PCDH15: variants seen among roughly 807,000 people sequenced by gnomAD.
PCDH15 encodes the protein protocadherin related 15.
Under a neutral mutation model 178.5 loss-of-function variants are expected in PCDH15, and 129 were observed. That is an observed-to-expected ratio of 0.72 (90% CI 0.63 to 0.84). The LOEUF (loss-of-function observed/expected upper bound fraction) is 0.84. Among genes scored for constraint, PCDH15 ranks in the 40% least tolerant of loss-of-function variants. PCDH15 has a pLI of 0.00. For synonymous variants in PCDH15, 800 were observed against 732.0 expected, an observed-to-expected ratio of 1.09 and a Z score of -1.50; for missense variants, 2,230 against 2,099.9, an observed-to-expected ratio of 1.06 and a Z score of -1.21.
chr10:53,834,760 G>T (rs2077209440), intron 29 of PCDH15, among the ~76,000 whole-genome samples: 1 of 152,104 alleles, frequency 6.6e-6, no homozygotes, highest in Non-Finnish European at 1.5e-5. Context: ...GCCTAATGTT[G>T]TGTTATTCAG....
At chr10:55,201,989 A>G (rs1196912659) in intron 1 of PCDH15, among the ~76,000 whole-genome samples, 1 of 152,102 alleles carries the variant, frequency 6.6e-6, no homozygotes, top group South Asian at 2.1e-4. Flanking sequence ...TGCTTGTAGT[A>G]ATTTCCTTGA....
At chr10:54,388,322 A>G (rs117604103) in intron 3 of PCDH15, among the ~76,000 whole-genome samples, 2,887 of 152,300 alleles carry the variant, frequency 0.019, 39 homozygotes, top group Middle Eastern at 0.037. Flanking sequence ...TTCTGGTCCT[A>G]GAACCCAAAT....
chr10:55,016,022 A>C (rs1922150), intron 2 of PCDH15, among the ~76,000 whole-genome samples: 117,050 of 150,540 alleles, frequency 0.78, 45,720 homozygotes, highest in East Asian at 0.84. Flanking sequence ...ACATTCTACA[A>C]GGTTCCTTAA....
At chr10:55,029,041 A>T (rs1840546336) in intron 2 of PCDH15, among the ~76,000 whole-genome samples, 1 of 152,030 alleles carries the variant, frequency 6.6e-6, no homozygotes, top group South Asian at 2.1e-4. Context: ...ACTGCATTGT[A>T]CCAATAAGGA....
chr10:54,206,878 T>C (rs1209784957), intron 10 of PCDH15, among the ~76,000 whole-genome samples: 1 of 152,086 alleles, frequency 6.6e-6, no homozygotes, highest in Non-Finnish European at 1.5e-5. Context: ...TGTTTATGTG[T>C]GTGGGGATTG....
intron 32 of PCDH15, chr10:53,821,815 T>C (rs1379619012): frequency 2.5e-6 from 4 of 1,608,402 alleles, no homozygotes; most frequent in Admixed American, 3.3e-5. Context: ...TTGAAGACTA[T>C]GATCAACAAG....
intron 2 of PCDH15, among the ~76,000 whole-genome samples, chr10:54,620,286 G>C (rs1353505679): frequency 2.6e-5 from 4 of 151,902 alleles, no homozygotes; most frequent in African/African-American, 9.7e-5. Flanking sequence ...ATTAGGCAAA[G>C]ATTGATAAAA....
At chr10:54,239,432 T>TAGAGAGAGAGAGAGAGAG (rs370848123) in intron 8 of PCDH15, among the ~76,000 whole-genome samples, 14 of 150,638 alleles carry the variant, frequency 9.3e-5, no homozygotes, top group African/African-American at 3.4e-4. Flanking sequence ...TATATATATA[T>TAGAGAGAGAGAGAGAGAG]AGAGTAAGAA....
chr10:53,883,846 G>T (rs973572206), intron 26 of PCDH15, among the ~76,000 whole-genome samples: 8 of 152,262 alleles, frequency 5.3e-5, no homozygotes, highest in African/African-American at 1.7e-4. Context: ...CTCCCGAGTA[G>T]CTGGGATTAC....
At position 55,554,615 on chromosome 10, in the gene PCDH15, TG is replaced by T. The variant is rs370213507; in HGVS notation, c.-156+73009del. ...TTGTGGGATGCAAAACCCACACATA[TG>T]GGGGGCCAAATATTCCTATATGTTG... is the stretch of plus-strand genomic sequence containing the variant. On this transcript the variant is annotated intron_variant, in intron 2 of 5. Transcript: ENST00000613346. Among the ~76,000 whole-genome samples, 91 of 152,012 alleles carry T rather than the reference TG, an allele frequency of 6.0e-4. 1 individual carries two copies. The East Asian group carries it at 0.012, about 19-fold the overall frequency.
chr10:55,479,752 G>C (rs1245062937), intron 2 of PCDH15, among the ~76,000 whole-genome samples: 4 of 151,434 alleles, frequency 2.6e-5, no homozygotes, highest in East Asian at 3.9e-4. Context: ...TATATGTATA[G>C]AATACCCTAC....
chr10:54,014,462 CA>C (rs1246031376), intron 20 of PCDH15, among the ~76,000 whole-genome samples: 1 of 151,884 alleles, frequency 6.6e-6, no homozygotes, highest in Non-Finnish European at 1.5e-5. Flanking sequence ...ACAACAACAA[CA>C]AAAAAGAAAA....
intron 1 of PCDH15, among the ~76,000 whole-genome samples, chr10:54,733,159 A>G (rs1943635217): frequency 6.6e-6 from 1 of 151,616 alleles, no homozygotes. Flanking sequence ...GAAAATTAAT[A>G]AAATCCTCCA....
intron 1 of PCDH15, among the ~76,000 whole-genome samples, chr10:55,269,624 A>G (rs533702651): frequency 3.8e-4 from 58 of 152,280 alleles, no homozygotes; most frequent in Non-Finnish European, 7.8e-4. Context: ...GCTGAAAAAA[A>G]CCACAGACAA....
At chr10:55,099,384 C>A (rs1842523801) in intron 2 of PCDH15, among the ~76,000 whole-genome samples, 1 of 151,920 alleles carries the variant, frequency 6.6e-6, no homozygotes, top group Non-Finnish European at 1.5e-5. Flanking sequence ...TCATAAGCTG[C>A]TACTACTAAA....
intron 2 of PCDH15, among the ~76,000 whole-genome samples, chr10:55,343,865 A>T (rs1844670772): frequency 6.6e-6 from 1 of 152,194 alleles, no homozygotes; most frequent in Admixed American, 6.5e-5. Context: ...ACAGAAAAAA[A>T]CTCAATGCCT....
chr10:55,478,135 C>T (rs906696070), intron 2 of PCDH15, among the ~76,000 whole-genome samples: 24 of 151,686 alleles, frequency 1.6e-4, no homozygotes, highest in Admixed American at 1.5e-3. Context: ...TGTAAAAATA[C>T]ATGTATCCAA....
At chr10:54,481,266 T>C (rs1483790440) in intron 3 of PCDH15, among the ~76,000 whole-genome samples, 1 of 151,890 alleles carries the variant, frequency 6.6e-6, no homozygotes, top group Non-Finnish European at 1.5e-5. Flanking sequence ...TTTTCTCTAA[T>C]ATATATATGC....
At chr10:54,592,911 T>C (rs1178224417) in intron 2 of PCDH15, among the ~76,000 whole-genome samples, 1 of 152,160 alleles carries the variant, frequency 6.6e-6, no homozygotes, top group African/African-American at 2.4e-5. Flanking sequence ...GTGGTTTTGA[T>C]TTGTATTTCC....
Sources: gnomAD v4.1 joint callset for allele counts (sites outside exome capture counted in the v4.1 genomes callset) on GRCh38, gnomAD v4.1.1 for gene constraint, MANE v1.5 for transcripts, NCBI Gene and HGNC (gene_info 2026-07-23, HGNC 2026-07-21) for gene names.